The following CD164 variants were observed in gnomAD, a reference collection of about 807,000 sequenced individuals.
The protein encoded by CD164 is CD164 molecule.
A neutral mutation model predicts 24.6 loss-of-function variants in CD164; 11 were observed. That is an observed-to-expected ratio of 0.45 (90% CI 0.28 to 0.74). The LOEUF (loss-of-function observed/expected upper bound fraction) is 0.74. CD164 is among the 30% of genes least tolerant of loss of function. The pLI is 0.13. For missense variants in CD164, 295 were observed against 243.7 expected (o/e 1.21, Z -1.40); for synonymous variants, 126 against 100.3 (o/e 1.26, Z -1.53).
intron 4 of CD164, chr6:109,371,377 T>G: frequency 6.5e-6 from 1 of 152,896 alleles, no homozygotes; most frequent in Non-Finnish European, 1.5e-5. Context: ...CAGCCTCCTG[T>G]GTAGCTGGGA....
At chr6:109,370,670 A>G in intron 4 of CD164, 1 of 493,206 alleles carries the variant, frequency 2.0e-6, no homozygotes, top group Non-Finnish European at 3.6e-6. Context: ...AACAATAAGC[A>G]ATCATAAAAT....
chr6:109,372,086 G>A (rs900825876), intron 4 of CD164: 4 of 152,142 alleles, frequency 2.6e-5, no homozygotes, highest in Admixed American at 2.6e-4. Flanking sequence ...ACCCACGAAA[G>A]ACAGGGAAAG....
At position 109,368,612 on chromosome 6, in the gene CD164, C is replaced by A; in HGVS notation, c.*239G>T. ...AAAAAATATAATCCCACAGCAGCAG[C>A]TATTTAAAATAAGACAGCCACAGGA... On this transcript the variant is annotated 3_prime_UTR_variant, in exon 6 of 6. Transcript: ENST00000310786. 7.4e-7 allele frequency: 1 copy of A among 1,347,816 alleles called. No individual in the cohort carries two copies. The highest frequency in any genetic ancestry group is 2.0e-5 in the South Asian group (1 of 48,856). 83.5% of individuals were successfully genotyped at this position (1,347,816 alleles called of 1,614,324 possible).
At position 109,368,661 on chromosome 6, in the gene CD164, T is replaced by A. The variant is rs1317788702; in HGVS notation, c.*190A>T. 7.3e-7 allele frequency: 1 copy of A among 1,376,566 alleles called. No individual in the cohort carries two copies. The highest frequency in any genetic ancestry group is 9.3e-7 in the Non-Finnish European group (1 of 1,071,104). 85.3% of individuals were successfully genotyped at this position (1,376,566 alleles called of 1,614,324 possible). On this transcript the variant is annotated 3_prime_UTR_variant, in exon 6 of 6. Transcript: ENST00000310786. ...GATTCATGCAGAATATTTTAAATATTCCTGTTGAACACAATGATTTAATTG... is the reference window on the plus strand; with the variant it reads ...GATTCATGCAGAATATTTTAAATATACCTGTTGAACACAATGATTTAATTG...
chr6:109,377,968 T>C lies in CD164; in HGVS notation c.263A>G (p.Glu88Gly), dbSNP rs376261079. The C allele has an allele frequency of 6.8e-6, 11 of 1,612,742 alleles. No individual in the cohort carries two copies. In the African/African-American group the frequency reaches 1.3e-4, roughly 20 times the overall value. The change falls in exon 3 of 6, where the codon GAG becomes GGG. Residue 88 changes from glutamate (E) to glycine (G), a missense_variant. Coordinates refer to ENST00000310786, the MANE Select transcript of CD164 (RefSeq NM_006016.6). Reference sequence around the variant, plus strand: ...TGTTGAGTTATGTGAACAATAGCTCTCATCTGTTGGGGGGCAGGGGAAAAG... The same window carrying C: ...TGTTGAGTTATGTGAACAATAGCTCCCATCTGTTGGGGGGCAGGGGAAAAG... ...TTCFWIECKD[E>G]SYCSHNSTVS... is the part of the protein sequence containing the mutation.
In CD164 at chr6:109,382,226, CG is replaced by C; in HGVS notation, c.152del (p.Pro51ArgfsTer33). On this transcript the variant is annotated frameshift_variant, in exon 1 of 6. Transcript: ENST00000310786. LOFTEE classifies it high-confidence loss of function. ...CACCTGGTGCCGGAGTGGTGACCAG[CG>C]GGAGGGACGTCACCGGCGCCGAGGT... ...NVTSAPVTSL[P>X]LVTTPAPETC... 1 of 1,576,850 alleles carries C rather than the reference CG, an allele frequency of 6.3e-7. No individual in the cohort carries two copies. The highest frequency in any genetic ancestry group is 8.6e-7 in the Non-Finnish European group (1 of 1,166,098).
rs1324326972 is a variant in CD164 at position 109,367,057 on chromosome 6, C to A, written c.*1794G>T. ...GCCTATTTTCGAATTAATCCTACAG[C>A]ACTCACTAAAAACTAACAGCCATGG... is the stretch of plus-strand genomic sequence containing the variant. On this transcript the variant is annotated 3_prime_UTR_variant, in exon 6 of 6. Transcript: ENST00000310786. The A allele has an allele frequency of 6.6e-6, 1 of 152,482 alleles. No individual in the cohort carries two copies. Among genetic ancestry groups the A allele is most frequent in the African/African-American group, 2.4e-5 (1 of 41,430 alleles). 9.4% of individuals were successfully genotyped at this position (152,482 alleles called of 1,614,324 possible).
At chr6:109,377,753 A>G (rs1034298211) in intron 3 of CD164, 147 bp downstream of exon 3, 32 of 630,156 alleles carry the variant, frequency 5.1e-5, no homozygotes, top group Non-Finnish European at 8.5e-5. Flanking sequence ...TAATCAATCA[A>G]TATGAATATA....
At chr6:109,375,548 G>C (rs1853330) in intron 4 of CD164, among the ~76,000 whole-genome samples, 1 of 149,844 alleles carries the variant, frequency 6.7e-6, no homozygotes, top group African/African-American at 2.5e-5. Flanking sequence ...ACTTGGGAGG[G>C]GAAGGTTGCA....
At chr6:109,373,482 G>A (rs2115152433) in intron 4 of CD164, among the ~76,000 whole-genome samples, 1 of 152,262 alleles carries the variant, frequency 6.6e-6, no homozygotes, top group East Asian at 1.9e-4. Flanking sequence ...CTGCAGATAA[G>A]CCCTTGCTGC....
At chr6:109,374,056 T>G (rs1484664564) in intron 4 of CD164, among the ~76,000 whole-genome samples, 1 of 152,216 alleles carries the variant, frequency 6.6e-6, no homozygotes, top group Non-Finnish European at 1.5e-5. Flanking sequence ...GTTAGTTTCT[T>G]GCACATACTT....
In CD164 at chr6:109,377,985, G is replaced by A. The variant is rs558024264; in HGVS notation, c.260-14C>T. 1.7e-5 allele frequency: 27 copies of A among 1,604,842 alleles called. 1 individual carries two copies. In the South Asian group the frequency reaches 2.1e-4, roughly 12 times the overall value. On this transcript the variant is annotated splice_polypyrimidine_tract_variant and intron_variant, in intron 2 of 5. Transcript: ENST00000310786. Reference sequence around the variant, plus strand: ...AATAGCTCTCATCTGTTGGGGGGCAGGGGAAAAGAGACAAACAGCATCAAC... The same window carrying A: ...AATAGCTCTCATCTGTTGGGGGGCAAGGGAAAAGAGACAAACAGCATCAAC...
chr6:109,368,498 A>G lies in CD164; in HGVS notation c.*353T>C, dbSNP rs1319280021. On this transcript the variant is annotated 3_prime_UTR_variant, in exon 6 of 6. Transcript: ENST00000310786. ...TTCTGTTCACTAAATTAAAATTACTAAATTTAAACTGCCAAGAGCCATGAT... is the reference window on the plus strand; with the variant it reads ...TTCTGTTCACTAAATTAAAATTACTGAATTTAAACTGCCAAGAGCCATGAT... 1.5e-6 allele frequency: 2 copies of G among 1,356,486 alleles called. No individual in the cohort carries two copies. The highest frequency in any genetic ancestry group is 1.9e-6 in the Non-Finnish European group (2 of 1,059,750). The allele number at this position is 1,356,486 out of a possible 1,614,324, so 84.0% of individuals were successfully genotyped here. A position where few individuals can be genotyped will look rare whatever the true frequency, so the allele number is the denominator to read the frequency against.
intron 5 of CD164, 67 bp from the exon 6 acceptor site, chr6:109,369,084 C>T (rs1372016049): frequency 1.5e-6 from 2 of 1,351,994 alleles, no homozygotes; most frequent in South Asian, 1.3e-5. Context: ...TTTAAAGATG[C>T]ACCTGAGCCT....
Position 109,368,238 on chromosome 6 carries a change from A to C in CD164, c.*613T>G. 1 of 1,506,716 alleles carries C rather than the reference A, an allele frequency of 6.6e-7. No homozygotes were observed. The highest frequency in any genetic ancestry group is 8.9e-7 in the Non-Finnish European group (1 of 1,119,922). 93.3% of individuals were successfully genotyped at this position (1,506,716 alleles called of 1,614,324 possible). On this transcript the variant is annotated 3_prime_UTR_variant, in exon 6 of 6. Transcript: ENST00000310786. ...TCTCAATGACATAAGATGCTTTACA[A>C]GTATGAACAATAATCTGTTATACAC...
At position 109,366,524 on chromosome 6, in the gene CD164, A is replaced by G. The variant is rs960489228; in HGVS notation, c.*2327T>C. ...CGCAGTAACACACTATTAATTCAATAAACATGTAGATTTATTTTAAGTCAG... is the reference window on the plus strand; with the variant it reads ...CGCAGTAACACACTATTAATTCAATGAACATGTAGATTTATTTTAAGTCAG... On this transcript the variant is annotated 3_prime_UTR_variant, in exon 6 of 6. Coordinates refer to ENST00000310786, the MANE Select transcript of CD164 (RefSeq NM_006016.6). 3 of 152,386 alleles carry G rather than the reference A, an allele frequency of 2.0e-5. No individual in the cohort carries two copies. Among genetic ancestry groups the G allele is most frequent in the African/African-American group, 7.2e-5 (3 of 41,472 alleles). 9.4% of individuals were successfully genotyped at this position (152,386 alleles called of 1,614,324 possible).
intron 3 of CD164, among the ~76,000 whole-genome samples, chr6:109,376,513 G>C (rs1771417771): frequency 6.6e-6 from 1 of 152,214 alleles, no homozygotes; most frequent in Non-Finnish European, 1.5e-5. Flanking sequence ...CCATTTTTGA[G>C]AGGTGAAAGA....
intron 4 of CD164, chr6:109,375,786 C>G: frequency 3.2e-6 from 1 of 315,622 alleles, no homozygotes; most frequent in Non-Finnish European, 5.7e-6. Context: ...TTGCTTTAGG[C>G]TTCTATATTT....
At chr6:109,378,082 C>A (rs551556265) in intron 2 of CD164, 111 bp from the exon 3 acceptor site, 18 of 809,730 alleles carry the variant, frequency 2.2e-5, no homozygotes, top group Non-Finnish European at 3.2e-5. Flanking sequence ...TAGAAGTGGG[C>A]AGGGGGAACC....
Sources: allele counts gnomAD v4.1 joint callset (sites outside exome capture counted in the v4.1 genomes callset), GRCh38; gene constraint gnomAD v4.1.1; transcripts MANE v1.5; gene names NCBI Gene and HGNC (gene_info 2026-07-23, HGNC 2026-07-21).